Variants in GSE1 observed in about 807,000 individuals in gnomAD.
GSE1 encodes Gse1 coiled-coil protein.
GSE1 carries 32 observed loss-of-function variants against 112.6 expected under a neutral mutation model. That is an observed-to-expected ratio of 0.28 (90% confidence interval 0.21 to 0.38). The LOEUF (loss-of-function observed/expected upper bound fraction) is 0.38, where lower values mean the gene tolerates loss of function less well. GSE1 is among the 10% of genes least tolerant of loss of function. The pLI is 1.00. For missense variants in GSE1, 2,348 were observed against 1,699.2 expected (o/e 1.38, Z -6.71); for synonymous variants, 1,115 against 735.6 (o/e 1.52, Z -8.35).
chr16:85,444,581 G>A (rs1267983118), intron 2 of GSE1, among the ~76,000 whole-genome samples: 2 of 152,160 alleles, frequency 1.3e-5, no homozygotes, highest in Non-Finnish European at 2.9e-5. Flanking sequence ...GTCACGGCCT[G>A]CCAGCTTGGC....
intron 1 of GSE1, among the ~76,000 whole-genome samples, chr16:85,178,637 G>A (rs985629223): frequency 2.6e-5 from 4 of 151,980 alleles, no homozygotes; most frequent in East Asian, 1.9e-4. Context: ...GGAAGGCCAC[G>A]GGAAAAGGAT....
intron 2 of GSE1, among the ~76,000 whole-genome samples, chr16:85,635,245 G>T (rs146908647): frequency 5.9e-5 from 9 of 152,256 alleles, no homozygotes; most frequent in African/African-American, 2.2e-4. Context: ...TGATGGATGG[G>T]GGGTATTGGC....
rs150278570 is a variant in GSE1 at position 85,325,258 on chromosome 16, C to T, written c.2284-32205C>T. Among the ~76,000 whole-genome samples the T allele has an allele frequency of 7.7e-3, 1,178 of 152,170 alleles. 11 individuals carry two copies. Among genetic ancestry groups the T allele is most frequent in the Non-Finnish European group, 0.01 (711 of 68,002 alleles). On this transcript the variant is annotated intron_variant, in intron 1 of 2. Transcript: ENST00000637419. ...TACTTGGATTATAGGCATGAACCGCCGTATCCAGTCTAGATCTCAATGTCT... is the reference window on the plus strand; with the variant it reads ...TACTTGGATTATAGGCATGAACCGCTGTATCCAGTCTAGATCTCAATGTCT...
At chr16:85,660,669 C>A (rs963963886) in intron 8 of GSE1, among the ~76,000 whole-genome samples, 1 of 151,374 alleles carries the variant, frequency 6.6e-6, no homozygotes, top group East Asian at 2.0e-4. Context: ...CTTGCTCTGT[C>A]GCCTAGGCTG....
At chr16:85,369,999 A>G (rs1378320450) in intron 2 of GSE1, among the ~76,000 whole-genome samples, 1 of 152,092 alleles carries the variant, frequency 6.6e-6, no homozygotes, top group Non-Finnish European at 1.5e-5. Flanking sequence ...AGCCCCCTTG[A>G]GAGGGTGGCC....
At chr16:85,662,670 G>A (rs1239696247) in intron 9 of GSE1, 2 of 350,682 alleles carry the variant, frequency 5.7e-6, no homozygotes, top group Non-Finnish European at 1.0e-5. Flanking sequence ...GTGTTGCCGT[G>A]GACACAGCCC....
intron 1 of GSE1, among the ~76,000 whole-genome samples, chr16:85,246,488 CACA>C (rs1567636385): frequency 4.1e-5 from 5 of 120,922 alleles, no homozygotes; most frequent in Non-Finnish European, 7.5e-5. Context: ...CACACACACA[CACA>C]CTCTACACAC....
chr16:85,432,187 C>T (rs1258150309), intron 2 of GSE1, among the ~76,000 whole-genome samples: 2 of 152,252 alleles, frequency 1.3e-5, no homozygotes, highest in Non-Finnish European at 2.9e-5. Context: ...TCTATGCATG[C>T]AGAATGGATT....
Position 85,307,783 on chromosome 16 carries a change from A to T in GSE1, c.2284-49680A>T, listed in dbSNP as rs181372262. ...CCCCACCATGAATCTTATCATTAGC[A>T]TAGGCTGTTCAGGGTGGCTAAGCCC... On this transcript the variant is annotated intron_variant, in intron 1 of 2. Coordinates refer to the GSE1 transcript ENST00000637419. 7.7e-4 allele frequency among the ~76,000 whole-genome samples: 117 copies of T among 152,322 alleles called. 1 individual carries two copies. Among genetic ancestry groups the T allele is most frequent in the African/African-American group, 2.8e-3 (115 of 41,572 alleles).
intron 2 of GSE1, among the ~76,000 whole-genome samples, chr16:85,455,842 G>A (rs2151813332): frequency 6.6e-6 from 1 of 152,340 alleles, no homozygotes; most frequent in Admixed American, 6.5e-5. Context: ...ACGCCTGCAT[G>A]GAGCCCATCC....
chr16:85,276,131 T>C (rs11149733), intron 1 of GSE1, among the ~76,000 whole-genome samples: 22,187 of 152,234 alleles, frequency 0.15, 2,157 homozygotes, highest in East Asian at 0.37. Flanking sequence ...CCCAGAGAGG[T>C]TGAGTGACTT....
intron 1 of GSE1, among the ~76,000 whole-genome samples, chr16:85,263,732 C>G (rs1050102333): frequency 2.0e-5 from 3 of 152,016 alleles, no homozygotes; most frequent in African/African-American, 7.3e-5. Context: ...GACACCACAC[C>G]CAGCTAATTT....
intron 2 of GSE1, among the ~76,000 whole-genome samples, chr16:85,458,606 C>T (rs1232408538): frequency 2.0e-5 from 3 of 152,198 alleles, no homozygotes; most frequent in Non-Finnish European, 4.4e-5. Context: ...GCAGGGGCTT[C>T]CACATTGCGG....
rs1388194776 is a variant in GSE1 at position 85,674,355 on chromosome 16, T to C, written c.*1816T>C. 1 of 152,260 alleles carries C rather than the reference T, an allele frequency of 6.6e-6. No homozygotes were observed. The highest frequency in any genetic ancestry group is 2.4e-5 in the African/African-American group (1 of 41,454). 9.4% of individuals were successfully genotyped at this position (152,260 alleles called of 1,614,324 possible). A position where few individuals can be genotyped will look rare whatever the true frequency, so the allele number is the denominator to read the frequency against. On this transcript the variant is annotated 3_prime_UTR_variant, in exon 16 of 16. Coordinates refer to ENST00000253458, the MANE Select transcript of GSE1 (RefSeq NM_014615.5). Reference sequence around the variant, plus strand: ...TCAGACGAATGTACCGCCAGTATTATCAGCAGTCAACAAGCACCTTCCTCT... The same window carrying C: ...TCAGACGAATGTACCGCCAGTATTACCAGCAGTCAACAAGCACCTTCCTCT...
At chr16:85,496,281 G>A (rs1293458831) in intron 2 of GSE1, among the ~76,000 whole-genome samples, 1 of 152,250 alleles carries the variant, frequency 6.6e-6, no homozygotes, top group Non-Finnish European at 1.5e-5. Context: ...GCGATGGGCC[G>A]CCCCTCGCGG....
chr16:85,175,473 C>G lies in GSE1; in HGVS notation c.2283+3666C>G, dbSNP rs574574149. On this transcript the variant is annotated intron_variant, in intron 1 of 2. Coordinates refer to the GSE1 transcript ENST00000637419. ...GTCGGCTGTGTGATGTTGGGTAAGACTCTTGCCCTGTCTGGGCCTTGGAAC... is the reference window on the plus strand; with the variant it reads ...GTCGGCTGTGTGATGTTGGGTAAGAGTCTTGCCCTGTCTGGGCCTTGGAAC... 1.3e-3 allele frequency among the ~76,000 whole-genome samples: 193 copies of G among 152,380 alleles called. 1 individual carries two copies. Among genetic ancestry groups the G allele is most frequent in the Non-Finnish European group, 2.4e-3 (162 of 68,042 alleles).
chr16:85,189,706 T>C (rs540131611), intron 1 of GSE1, among the ~76,000 whole-genome samples: 1 of 152,362 alleles, frequency 6.6e-6, no homozygotes, highest in Admixed American at 6.5e-5. Context: ...CAATGAGAAT[T>C]CTCCCATGAG....
chr16:85,221,876 C>T (rs374187538), intron 1 of GSE1, among the ~76,000 whole-genome samples: 19 of 152,292 alleles, frequency 1.2e-4, no homozygotes, highest in African/African-American at 4.3e-4. Flanking sequence ...TCATGTTTTC[C>T]GCCTCTGATG....
At chr16:85,254,140 C>G (rs926112772) in intron 1 of GSE1, among the ~76,000 whole-genome samples, 1 of 152,210 alleles carries the variant, frequency 6.6e-6, no homozygotes, top group African/African-American at 2.4e-5. Context: ...TCTCACCTCT[C>G]GGGATCGCCC....
Sources: allele counts gnomAD v4.1 joint callset (sites outside exome capture counted in the v4.1 genomes callset), GRCh38; gene constraint gnomAD v4.1.1; transcripts MANE v1.5; gene names NCBI Gene and HGNC (gene_info 2026-07-23, HGNC 2026-07-21).